The following GRID1 variants were observed in gnomAD, a reference collection of about 807,000 sequenced individuals.
GRID1 encodes glutamate ionotropic receptor delta type subunit 1.
GRID1 carries 28 observed loss-of-function variants against 98.0 expected under a neutral mutation model. The observed-to-expected ratio is 0.29, with a 90% CI of 0.21 to 0.39. The LOEUF is 0.39. Ranked by LOEUF, GRID1 falls within the 10% of genes least tolerant of loss-of-function variation. The pLI, the probability that GRID1 is intolerant of heterozygous loss-of-function variation, is 1.00. For missense variants in GRID1, 1,111 were observed against 1,340.5 expected (o/e 0.83, Z 2.67); for synonymous variants, 553 against 538.5 (o/e 1.03, Z -0.37).
At chr10:86,074,126 T>C (rs1198255152) in intron 4 of GRID1, among the ~76,000 whole-genome samples, 1 of 152,134 alleles carries the variant, frequency 6.6e-6, no homozygotes, top group African/African-American at 2.4e-5. Flanking sequence ...CGTGCGCAAA[T>C]GTATGGGGTG....
chr10:85,843,368 T>C (rs1329433279), intron 8 of GRID1, among the ~76,000 whole-genome samples: 1 of 151,982 alleles, frequency 6.6e-6, no homozygotes, highest in Non-Finnish European at 1.5e-5. Flanking sequence ...CTTTGGAATA[T>C]AGGGATAGGC....
At chr10:86,029,899 T>C (rs1382370275) in intron 4 of GRID1, among the ~76,000 whole-genome samples, 3 of 152,194 alleles carry the variant, frequency 2.0e-5, no homozygotes, top group African/African-American at 4.8e-5. Flanking sequence ...AAATTCTATA[T>C]CTTGGCAAGT....
At chr10:85,781,251 C>G (rs1238420732) in intron 8 of GRID1, among the ~76,000 whole-genome samples, 1 of 152,188 alleles carries the variant, frequency 6.6e-6, no homozygotes, top group Non-Finnish European at 1.5e-5. Flanking sequence ...GATAATTTTT[C>G]CTCTGCTAGA....
At chr10:85,647,653 C>T in intron 12 of GRID1, 1 of 455,718 alleles carries the variant, frequency 2.2e-6, no homozygotes. Context: ...AGGTTCTTTA[C>T]TGAACTGGAG....
intron 2 of GRID1, among the ~76,000 whole-genome samples, chr10:86,267,191 ATAT>A (rs1375049544): frequency 6.6e-6 from 1 of 152,230 alleles, no homozygotes; most frequent in Non-Finnish European, 1.5e-5. Context: ...TGCAAGCTGG[ATAT>A]TATCATCCCA....
chr10:85,989,615 A>G (rs895189157), intron 4 of GRID1, among the ~76,000 whole-genome samples: 6 of 152,190 alleles, frequency 3.9e-5, no homozygotes, highest in African/African-American at 1.4e-4. Flanking sequence ...TGCACTCATG[A>G]GAATCTAACT....
At chr10:85,963,249 G>T in intron 4 of GRID1, among the ~76,000 whole-genome samples, 1 of 151,590 alleles carries the variant, frequency 6.6e-6, no homozygotes, top group East Asian at 1.9e-4. Context: ...ATATGAAATT[G>T]GGTTTCGGGT....
intron 8 of GRID1, among the ~76,000 whole-genome samples, chr10:85,776,486 C>T (rs1842332593): frequency 1.3e-5 from 2 of 152,134 alleles, no homozygotes; most frequent in Non-Finnish European, 1.5e-5. Flanking sequence ...AGGGTCCTGG[C>T]TGGGGCAGAG....
At chr10:86,091,512 G>A (rs559730772) in intron 4 of GRID1, among the ~76,000 whole-genome samples, 6 of 151,824 alleles carry the variant, frequency 4.0e-5, no homozygotes, top group African/African-American at 7.3e-5. Context: ...GCTCAGACAC[G>A]CCTAGCCCCG....
chr10:86,114,086 T>C (rs1844534518), intron 4 of GRID1, among the ~76,000 whole-genome samples: 1 of 150,160 alleles, frequency 6.7e-6, no homozygotes, highest in Non-Finnish European at 1.5e-5. Context: ...GGTGGGATCA[T>C]AACCCCCTGA....
intron 8 of GRID1, among the ~76,000 whole-genome samples, chr10:85,743,725 C>T (rs774337899): frequency 6.6e-5 from 10 of 152,096 alleles, no homozygotes; most frequent in South Asian, 4.1e-4. Context: ...TAATTTTGCA[C>T]GAACCTAATA....
At chr10:85,957,128 G>GATCT (rs1252531705) in intron 4 of GRID1, among the ~76,000 whole-genome samples, 1 of 152,138 alleles carries the variant, frequency 6.6e-6, no homozygotes, top group African/African-American at 2.4e-5. Flanking sequence ...CCGCCCCCAT[G>GATCT]ATCTAATCAC....
At chr10:86,222,579 T>C (rs1178896961) in intron 2 of GRID1, among the ~76,000 whole-genome samples, 1 of 151,894 alleles carries the variant, frequency 6.6e-6, no homozygotes, top group Non-Finnish European at 1.5e-5. Flanking sequence ...CACTGAAAAA[T>C]GGAGGGGCCT....
At chr10:85,970,573 T>A (rs1471696992) in intron 4 of GRID1, among the ~76,000 whole-genome samples, 1 of 152,030 alleles carries the variant, frequency 6.6e-6, no homozygotes, top group Non-Finnish European at 1.5e-5. Context: ...AAAAAACATA[T>A]GATTATCTTT....
At chr10:86,079,002 C>T (rs1843926715) in intron 4 of GRID1, among the ~76,000 whole-genome samples, 3 of 152,196 alleles carry the variant, frequency 2.0e-5, no homozygotes, top group Admixed American at 2.0e-4. Context: ...CTGGCTGGGA[C>T]GGAGCTACCC....
chr10:85,832,946 C>T (rs193217798), intron 8 of GRID1, among the ~76,000 whole-genome samples: 2 of 152,116 alleles, frequency 1.3e-5, no homozygotes, highest in East Asian at 3.9e-4. Context: ...CCCTGAACCA[C>T]CATGAGAAAC....
intron 4 of GRID1, among the ~76,000 whole-genome samples, chr10:86,003,840 T>C (rs1458137379): frequency 6.6e-6 from 1 of 152,192 alleles, no homozygotes; most frequent in East Asian, 1.9e-4. Context: ...AAAAATAAAG[T>C]GTAACGAACT....
chr10:85,953,961 CA>C (rs1177408410), intron 4 of GRID1, among the ~76,000 whole-genome samples: 1 of 152,154 alleles, frequency 6.6e-6, no homozygotes, highest in Non-Finnish European at 1.5e-5. Flanking sequence ...GCTGTCTTAG[CA>C]GGAAAGGAAA....
chr10:85,631,073 T>C (rs1273767203), intron 13 of GRID1, among the ~76,000 whole-genome samples: 1 of 152,240 alleles, frequency 6.6e-6, no homozygotes, highest in Non-Finnish European at 1.5e-5. Context: ...TTACCAGCTA[T>C]TCTCTTCCCT....
Sources: allele counts gnomAD v4.1 joint callset (sites outside exome capture counted in the v4.1 genomes callset), GRCh38; gene constraint gnomAD v4.1.1; transcripts MANE v1.5; gene names NCBI Gene and HGNC (gene_info 2026-07-23, HGNC 2026-07-21).